Variants in CCNH observed in about 807,000 individuals in gnomAD.
CCNH encodes the protein cyclin H.
CCNH carries 31 observed loss-of-function variants against 41.9 expected under a neutral mutation model. That is an observed-to-expected ratio of 0.74 (90% confidence interval 0.56 to 1.00). CCNH has a LOEUF of 1.00. Among genes scored for constraint, CCNH ranks in the 50% least tolerant of loss-of-function variants. The pLI is 0.00. For synonymous variants in CCNH, 138 were observed against 136.1 expected (o/e 1.01, Z -0.10); for missense variants, 362 against 388.4 (o/e 0.93, Z 0.57).
chr5:87,382,243 G>C (rs531724549), intron 9 of CCNH, among the ~76,000 whole-genome samples: 1 of 152,272 alleles, frequency 6.6e-6, no homozygotes, highest in African/African-American at 2.4e-5. Context: ...GAGCCACCAT[G>C]CCCAGCCAAT....
chr5:87,390,169 A>C (rs1762393635), downstream of CCNH, among the ~76,000 whole-genome samples: 1 of 152,228 alleles, frequency 6.6e-6, no homozygotes. Flanking sequence ...ATACCAGGTC[A>C]ATTAAGATAT....
intron 8 of CCNH, 27 bp downstream of exon 8, chr5:87,395,016 TA>T: frequency 6.2e-7 from 1 of 1,611,764 alleles, no homozygotes; most frequent in Non-Finnish European, 8.5e-7. Context: ...AAAAATAACT[TA>T]GAGTTCATCT....
intron 9 of CCNH, among the ~76,000 whole-genome samples, chr5:87,365,535 A>G (rs1362814682): frequency 3.9e-5 from 6 of 152,094 alleles, no homozygotes; most frequent in African/African-American, 1.2e-4. Flanking sequence ...AATTGTTTTA[A>G]TTATCGTAAA....
intron 9 of CCNH, among the ~76,000 whole-genome samples, chr5:87,332,211 A>T (rs1296019421): frequency 6.6e-6 from 1 of 151,930 alleles, no homozygotes; most frequent in Non-Finnish European, 1.5e-5. Context: ...AGCCTTAAAT[A>T]TGGAAAGTGA....
downstream of CCNH, chr5:87,372,103 T>C: frequency 6.2e-7 from 1 of 1,611,870 alleles, no homozygotes; most frequent in Non-Finnish European, 8.5e-7. Context: ...TTTGAAGTGC[T>C]GTTTTTCTTT....
rs756457101 is a variant in CCNH at position 87,338,066 on chromosome 5, T to C, written c.*91-19169A>G. 4 of 1,612,164 alleles carry C rather than the reference T, an allele frequency of 2.5e-6. No homozygotes were observed. The highest frequency in any genetic ancestry group is 1.6e-4 in the Middle Eastern group (1 of 6,068). On this transcript the variant is annotated intron_variant and NMD_transcript_variant, in intron 9 of 9. Coordinates refer to the CCNH transcript ENST00000645953. ...TTAAGAACAGATGAACAAGGCCTTATTGTTGAAGACCTAGTAGAAGAGGTG... is the reference window on the plus strand; with the variant it reads ...TTAAGAACAGATGAACAAGGCCTTACTGTTGAAGACCTAGTAGAAGAGGTG...
intron 1 of CCNH, among the ~76,000 whole-genome samples, chr5:87,411,892 A>G (rs1487846233): frequency 6.6e-6 from 1 of 152,212 alleles, no homozygotes. Flanking sequence ...GTAACTCAGT[A>G]TCGGTAATTT....
intron 9 of CCNH, among the ~76,000 whole-genome samples, chr5:87,319,823 A>G (rs1756646435): frequency 6.6e-6 from 1 of 152,156 alleles, no homozygotes; most frequent in East Asian, 1.9e-4. Flanking sequence ...TCTCCCCCCA[A>G]AATGGGTTTG....
chr5:87,338,533 A>ATATATATATATATATATATATATATAT (rs1491365794), intron 9 of CCNH, among the ~76,000 whole-genome samples: 6 of 91,304 alleles, frequency 6.6e-5, no homozygotes, highest in South Asian at 3.4e-4. Context: ...ATATATATAT[A>ATATATATATATATATATATATATATAT]AAATTTTTTT....
At chr5:87,313,945 A>G (rs1236693220), downstream of CCNH, among the ~76,000 whole-genome samples, 1 of 151,744 alleles carries the variant, frequency 6.6e-6, no homozygotes, top group Non-Finnish European at 1.5e-5. Context: ...AGGTGGGCGG[A>G]TCACCTGAGG....
At chr5:87,325,224 A>G (rs993408665) in intron 9 of CCNH, among the ~76,000 whole-genome samples, 4 of 152,190 alleles carry the variant, frequency 2.6e-5, no homozygotes, top group Non-Finnish European at 5.9e-5. Context: ...CACTATCACA[A>G]TAACAGCAGC....
chr5:87,412,577 G>A, intron 1 of CCNH, 101 bp downstream of exon 1: 1 of 1,513,392 alleles, frequency 6.6e-7, no homozygotes, highest in Non-Finnish European at 8.9e-7. Flanking sequence ...CGCAGAGGCA[G>A]AGAAACGACG....
the CCNH span, among the ~76,000 whole-genome samples, chr5:87,312,615 T>C: frequency 1.6e-3 from 245 of 152,262 alleles, no homozygotes; most frequent in African/African-American, 5.5e-3. Context: ...CTAGAGGTTA[T>C]CGAAGGATGA....
intron 2 of CCNH, among the ~76,000 whole-genome samples, chr5:87,409,895 T>G (rs1478139586): frequency 6.6e-6 from 1 of 152,184 alleles, no homozygotes; most frequent in African/African-American, 2.4e-5. Flanking sequence ...ATTTATTGAA[T>G]GTATACCATG....
rs1257146987 is a variant in CCNH, at chr5:87,412,730, A to C, written c.65T>G (p.Leu22Arg). The change falls in exon 1 of 9, where the codon CTG becomes CGG. Residue 22 changes from leucine to arginine, a missense_variant. Physicochemically the swap from Leu to Arg is moderately radical, Grantham distance 102. Transcript: ENST00000256897. ...TFSSEEQLAR[L>R]RADANRKFRC... is the part of the protein sequence containing the mutation. The stretch of plus-strand genomic sequence containing the variant: ...GAATTTGCGGTTGGCGTCAGCCCGC[A>C]GTCTTGCCAGCTGCTCCTCGCTGGA... 2 of 1,614,108 alleles carry C rather than the reference A, an allele frequency of 1.2e-6. No homozygotes were observed. The highest frequency in any genetic ancestry group is 2.7e-5 in the African/African-American group (2 of 74,944).
chr5:87,392,200 C>T (rs1444065969), downstream of CCNH: 1 of 451,526 alleles, frequency 2.2e-6, no homozygotes, highest in South Asian at 1.6e-5. Flanking sequence ...GAGGTGTTCC[C>T]ACAGTAAGGA....
Position 87,409,304 on chromosome 5 carries a change from G to C in CCNH, c.300C>G (p.His100Gln), listed in dbSNP as rs1244281017. 6.4e-7 allele frequency: 1 copy of C among 1,552,986 alleles called. No individual in the cohort carries two copies. Among genetic ancestry groups the C allele is most frequent in the East Asian group, 2.2e-5 (1 of 44,448 alleles). ...FYLNNSVMEYHPRIIMLTCAF... is the reference protein window; with the variant it reads ...FYLNNSVMEYQPRIIMLTCAF... ...GACATACTCACATTATTATCCTGGGGTGATATTCCATTACTGAGTTATTAA... is the reference window on the plus strand; with the variant it reads ...GACATACTCACATTATTATCCTGGGCTGATATTCCATTACTGAGTTATTAA... Residue 100 changes from histidine to glutamine, a missense_variant, in exon 3 of 9, where the codon CAC becomes CAG. Physicochemically the swap from His to Gln is conservative, Grantham distance 24 (BLOSUM62 0). Coordinates refer to ENST00000256897, the MANE Select transcript of CCNH (RefSeq NM_001239.4).
At chr5:87,363,485 C>G in intron 9 of CCNH, 1 of 1,612,218 alleles carries the variant, frequency 6.2e-7, no homozygotes. Context: ...CTATGTCGTT[C>G]ATGATAGTCT....
At chr5:87,409,726 G>A (rs970379582) in intron 2 of CCNH, among the ~76,000 whole-genome samples, 8 of 150,584 alleles carry the variant, frequency 5.3e-5, no homozygotes, top group African/African-American at 1.9e-4. Flanking sequence ...AAATACAAAC[G>A]TTCACAGATT....
Sources: allele counts gnomAD v4.1 joint callset (sites outside exome capture counted in the v4.1 genomes callset), GRCh38; gene constraint gnomAD v4.1.1; transcripts MANE v1.5; gene names NCBI Gene and HGNC (gene_info 2026-07-23, HGNC 2026-07-21).